ISM2: variants seen among roughly 807,000 people sequenced by gnomAD.
The protein encoded by ISM2 is isthmin-2.
In ISM2, 50 loss-of-function variants were observed where a neutral mutation model predicts 58.0. That is an observed-to-expected ratio of 0.86 (90% CI 0.69 to 1.09). The LOEUF (loss-of-function observed/expected upper bound fraction) is 1.09, where lower values mean the gene tolerates loss of function less well. Among genes scored for constraint, ISM2 ranks in the 50% least tolerant of loss-of-function variants. The pLI, the probability that ISM2 is intolerant of heterozygous loss-of-function variation, is 0.00. For synonymous variants in ISM2, 303 were observed against 312.4 expected (o/e 0.97, Z 0.32); for missense variants, 723 against 745.0 (o/e 0.97, Z 0.34).
intron 1 of ISM2, 47 bp downstream of exon 1, chr14:77,498,606 G>A (rs1242213851): frequency 7.1e-7 from 1 of 1,405,712 alleles, no homozygotes; most frequent in Admixed American, 3.1e-5. Context: ...GGGCTGGGGA[G>A]GTGGGACCGA....
intron 1 of ISM2, among the ~76,000 whole-genome samples, chr14:77,497,153 A>T (rs527566846): frequency 2.0e-5 from 3 of 151,818 alleles, no homozygotes; most frequent in African/African-American, 7.2e-5. Flanking sequence ...GTGGATCATG[A>T]GGTCAGGAGC....
intron 4 of ISM2, among the ~76,000 whole-genome samples, chr14:77,479,532 C>T (rs971407860): frequency 4.6e-5 from 7 of 151,950 alleles, no homozygotes; most frequent in East Asian, 1.9e-4. Context: ...TACAGGTGCC[C>T]GCCACCACAC....
In ISM2 at chr14:77,484,693, G is replaced by A; in HGVS notation, c.368C>T (p.Pro123Leu). 7 of 1,611,054 alleles carry A rather than the reference G, an allele frequency of 4.3e-6. No individual in the cohort carries two copies. The highest frequency in any genetic ancestry group is 5.9e-6 in the Non-Finnish European group (7 of 1,179,298). Residue 123 changes from proline (P) to leucine (L), a missense_variant, in exon 2 of 7, where the codon CCT (proline) becomes CTT (leucine). Transcript: ENST00000342219. ...PGLANTTLST[P>L]NPDTQASASP... ...AGCTCTCACCTGGGTATCAGGGTTA[G>A]GGGTACTCAAGGTTGTGTTGGCCAA...
chr14:77,478,441 G>C, intron 5 of ISM2, 116 bp from the exon 6 acceptor site: 7 of 1,430,138 alleles, frequency 4.9e-6, no homozygotes, highest in African/African-American at 1.4e-5. Flanking sequence ...AAATAGGCCT[G>C]GGACAAGGCA....
chr14:77,489,220 G>T (rs1352740223), intron 1 of ISM2, among the ~76,000 whole-genome samples: 2 of 152,106 alleles, frequency 1.3e-5, no homozygotes, highest in Non-Finnish European at 2.9e-5. Flanking sequence ...TGTGCCTCAG[G>T]GGTCAGAAAC....
Position 77,482,549 on chromosome 14 carries a change from AG to A in ISM2, c.745del (p.Leu249SerfsTer160), listed in dbSNP as rs1400056465. On this transcript the variant is annotated frameshift_variant, in exon 4 of 7. Transcript: ENST00000342219. LOFTEE classifies it high-confidence loss of function. ...TTCCTCTCCTTTGTAGTCTCCCCAG[AG>A]GAAGGACCAGAGGGCGGGCAGCCAG... is the stretch of plus-strand genomic sequence containing the variant. ...LSWLPALWSF[L>X]WGDYKGEEKD... The A allele has an allele frequency of 3.7e-6, 6 of 1,613,880 alleles. No homozygotes were observed. The highest frequency in any genetic ancestry group is 5.1e-6 in the Non-Finnish European group (6 of 1,179,978).
intron 4 of ISM2, 150 bp from the exon 5 acceptor site, chr14:77,478,865 C>T: frequency 1.4e-6 from 1 of 731,100 alleles, no homozygotes; most frequent in East Asian, 2.7e-5. Context: ...TTTCAGCTTC[C>T]ACCTGCTCCC....
intron 1 of ISM2, among the ~76,000 whole-genome samples, chr14:77,488,368 G>A (rs1001740279): frequency 6.6e-6 from 1 of 152,156 alleles, no homozygotes; most frequent in Non-Finnish European, 1.5e-5. Context: ...GCTCAGCCCA[G>A]CCTGATCTCA....
chr14:77,491,100 A>G (rs2079200876), intron 1 of ISM2, among the ~76,000 whole-genome samples: 1 of 152,170 alleles, frequency 6.6e-6, no homozygotes, highest in African/African-American at 2.4e-5. Flanking sequence ...AGACCTTGCA[A>G]ATCTCCGGCA....
intron 1 of ISM2, among the ~76,000 whole-genome samples, chr14:77,494,466 G>A (rs893199967): frequency 3.3e-5 from 5 of 151,402 alleles, no homozygotes; most frequent in Non-Finnish European, 4.4e-5. Flanking sequence ...GCACAATCTC[G>A]GCTCACTATG....
At chr14:77,493,741 C>A (rs1452783361) in intron 1 of ISM2, among the ~76,000 whole-genome samples, 1 of 151,938 alleles carries the variant, frequency 6.6e-6, no homozygotes, top group Admixed American at 6.6e-5. Context: ...GGATTATAGG[C>A]GTGAGCCACT....
At chr14:77,491,783 C>T (rs2079206819) in intron 1 of ISM2, among the ~76,000 whole-genome samples, 1 of 150,238 alleles carries the variant, frequency 6.7e-6, no homozygotes, top group Non-Finnish European at 1.5e-5. Context: ...TGCAACCTCA[C>T]CTCCTGGGTT....
intron 1 of ISM2, among the ~76,000 whole-genome samples, chr14:77,495,882 G>T (rs2079236561): frequency 6.6e-6 from 1 of 152,086 alleles, no homozygotes; most frequent in South Asian, 2.1e-4. Flanking sequence ...CATTCCAAAG[G>T]GCTATAATAC....
At chr14:77,498,450 G>A (rs1170594868) in intron 1 of ISM2, 1 of 1,178,782 alleles carries the variant, frequency 8.5e-7, no homozygotes, top group Non-Finnish European at 1.2e-6. Flanking sequence ...TCGCGGTCAC[G>A]CGCGAGGAGT....
At position 77,478,669 on chromosome 14, in the gene ISM2, C is replaced by A. The variant is rs137881416; in HGVS notation, c.1020G>T (p.Gly340=). 64 of 1,613,238 alleles carry A rather than the reference C, an allele frequency of 4.0e-5. No individual in the cohort carries two copies. Among genetic ancestry groups the A allele is most frequent in the Non-Finnish European group, 5.3e-5 (62 of 1,179,368 alleles). ...KEWSPWSPCS[G]NCSTGKQQRT... ...TCTGCTGCTTGCCAGTGCTGCAGTTCCCACTGCAGGGAGACCAGGGACTCC... is the reference window on the plus strand; with the variant it reads ...TCTGCTGCTTGCCAGTGCTGCAGTTACCACTGCAGGGAGACCAGGGACTCC... The change falls in exon 5 of 7, where the codon GGG becomes GGT. Residue 340 remains glycine, a synonymous_variant. Transcript: ENST00000342219.
intron 4 of ISM2, among the ~76,000 whole-genome samples, chr14:77,478,947 G>C (rs886951907): frequency 1.3e-5 from 2 of 152,166 alleles, no homozygotes; most frequent in Non-Finnish European, 2.9e-5. Context: ...ACAGTATAAC[G>C]CCTAGCCACT....
Position 77,475,661 on chromosome 14 carries a change from T to TCGGC in ISM2, c.1646_1649dup (p.Ala551ProfsTer56). ...CCTCCAGGGGGTTGTCGGTGCAGGC[T>TCGGC]CGGCCGTTGTTGGGAGGGAGCACAG... On this transcript the variant is annotated frameshift_variant, in exon 7 of 7. Transcript: ENST00000342219. LOFTEE classifies it high-confidence loss of function. The surrounding 1 kb of genome is among the most constrained non-coding windows in gnomAD (Gnocchi z 4.1). The TCGGC allele has an allele frequency of 6.2e-7, 1 of 1,613,438 alleles. No individual in the cohort carries two copies. Among genetic ancestry groups the TCGGC allele is most frequent in the Admixed American group, 1.7e-5 (1 of 59,972 alleles).
Position 77,484,340 on chromosome 14 carries a change from G to C in ISM2, c.610C>G (p.Pro204Ala), listed in dbSNP as rs1594949876. The C allele has an allele frequency of 6.2e-7, 1 of 1,611,546 alleles. No homozygotes were observed. Among genetic ancestry groups the C allele is most frequent in the South Asian group, 1.1e-5 (1 of 90,764 alleles). ...GCTCTCACCTGGTTATCAGGGTTAGGGGTACTCAAGGTTGCGTGGACCAAT... is the reference window on the plus strand; with the variant it reads ...GCTCTCACCTGGTTATCAGGGTTAGCGGTACTCAAGGTTGCGTGGACCAAT... ...PELVHATLST[P>A]NPDNQVTIKV... The change falls in exon 3 of 7, where the codon CCT (proline) becomes GCT (alanine). Residue 204 changes from proline to alanine, a missense_variant. Coordinates refer to ENST00000342219, the MANE Select transcript of ISM2 (RefSeq NM_199296.3).
chr14:77,484,415 T>C lies in ISM2; in HGVS notation c.535A>G (p.Arg179Gly). The C allele has an allele frequency of 6.2e-7, 1 of 1,612,770 alleles. No homozygotes were observed. The highest frequency in any genetic ancestry group is 1.3e-5 in the African/African-American group (1 of 74,688). ...ALTPGNATPP[R>G]TQEVTPLLLE... ...AGCAAGGGAGTAACCTCCTGGGTCC[T>C]GGGAGGCGTGGCATTCCCTGGGGTC... Residue 179 changes from arginine (R) to glycine (G), a missense_variant, in exon 3 of 7, where the codon AGG (arginine) becomes GGG (glycine). Coordinates refer to ENST00000342219, the MANE Select transcript of ISM2 (RefSeq NM_199296.3).
Sources: gnomAD v4.1 joint callset for allele counts (sites outside exome capture counted in the v4.1 genomes callset) on GRCh38, gnomAD v4.1.1 for gene constraint, Gnocchi (gnomAD v3.1) non-coding constraint, MANE v1.5 for transcripts, NCBI Gene and HGNC (gene_info 2026-07-23, HGNC 2026-07-21) for gene names.